Variants in LHCGR observed in about 807,000 individuals in gnomAD.
The protein encoded by LHCGR is lutropin-choriogonadotropic hormone receptor.
Under a neutral mutation model 60.7 loss-of-function variants are expected in LHCGR, and 55 were observed. That is an observed-to-expected ratio of 0.91 (90% CI 0.73 to 1.13). The LOEUF is 1.13. Ranked by LOEUF, LHCGR falls within the 50% of genes most tolerant of loss-of-function variation. The pLI is 0.00. For missense variants in LHCGR, 862 were observed against 836.0 expected (o/e 1.03, Z -0.38); for synonymous variants, 337 against 316.5 (o/e 1.06, Z -0.69).
At chr2:48,742,063 T>G (rs2103689943) in intron 1 of LHCGR, among the ~76,000 whole-genome samples, 1 of 152,030 alleles carries the variant, frequency 6.6e-6, no homozygotes, top group South Asian at 2.1e-4. Flanking sequence ...TAAAACAGAC[T>G]TTAAACCAAC....
chr2:48,729,247 G>T lies in LHCGR; in HGVS notation c.234-20C>A. On this transcript the variant is annotated intron_variant, in intron 2 of 10. Transcript: ENST00000294954. ...ATTTCACTAGGGAAGAGAGGAGGGG[G>T]AAAAAGAGAAAGAAACATGAAAGAA... The T allele has an allele frequency of 6.5e-7, 1 of 1,549,138 alleles. No homozygotes were observed. The highest frequency in any genetic ancestry group is 8.9e-7 in the Non-Finnish European group (1 of 1,125,724).
chr2:48,755,677 G>A lies in LHCGR; in HGVS notation c.-6C>T, dbSNP rs779799454. The A allele has an allele frequency of 3.4e-5, 52 of 1,534,888 alleles. 1 individual carries two copies. The South Asian group carries it at 5.2e-4, about 15-fold the overall frequency. On this transcript the variant is annotated 5_prime_UTR_variant, in exon 1 of 11. Coordinates refer to ENST00000294954, the MANE Select transcript of LHCGR (RefSeq NM_000233.4). ...GCCGAGAACCGCTGCTTCATGGCCGGCGAACTGGGCTTCTGCGGCTTGCCA... is the reference window on the plus strand; with the variant it reads ...GCCGAGAACCGCTGCTTCATGGCCGACGAACTGGGCTTCTGCGGCTTGCCA...
chr2:48,698,448 C>G (rs144729583), intron 9 of LHCGR, among the ~76,000 whole-genome samples, 167 bp downstream of exon 9: 108 of 152,326 alleles, frequency 7.1e-4, no homozygotes, highest in Non-Finnish European at 1.2e-3. Context: ...CACAAGGAAA[C>G]AGAACAGTTT....
chr2:48,703,685 G>A (rs562649482), intron 8 of LHCGR, among the ~76,000 whole-genome samples: 14 of 152,196 alleles, frequency 9.2e-5, no homozygotes, highest in African/African-American at 2.4e-4. Flanking sequence ...TTGGCTCTCC[G>A]TTAATTTCTT....
intron 7 of LHCGR, among the ~76,000 whole-genome samples, chr2:48,710,843 G>T (rs986255000): frequency 2.0e-5 from 3 of 152,154 alleles, no homozygotes; most frequent in Admixed American, 1.3e-4. Flanking sequence ...TATGAGGAAG[G>T]GTTGAATGTA....
chr2:48,727,082 C>G (rs1461013719), intron 3 of LHCGR, among the ~76,000 whole-genome samples: 3 of 152,070 alleles, frequency 2.0e-5, no homozygotes, highest in Non-Finnish European at 4.4e-5. Context: ...GTCAAACAAT[C>G]ATAGGCCATA....
At chr2:48,722,533 G>A (rs1283822430) in intron 6 of LHCGR, among the ~76,000 whole-genome samples, 1 of 152,096 alleles carries the variant, frequency 6.6e-6, no homozygotes, top group Non-Finnish European at 1.5e-5. Flanking sequence ...CCCTAGTGCT[G>A]TTCTTGTGAT....
At chr2:48,731,355 A>C in intron 1 of LHCGR, 57 bp from the exon 2 acceptor site, 1 of 1,235,004 alleles carries the variant, frequency 8.1e-7, no homozygotes, top group East Asian at 2.3e-5. Context: ...GTGCCTTTTA[A>C]GTTCATGAAT....
In LHCGR at chr2:48,688,008, G is replaced by A. The variant is rs1679987217; in HGVS notation, c.1789C>T (p.Pro597Ser). 3.1e-6 allele frequency: 5 copies of A among 1,614,142 alleles called. No homozygotes were observed. Among genetic ancestry groups the A allele is most frequent in the Non-Finnish European group, 3.4e-6 (4 of 1,180,004 alleles). ...TTAGAGTTGGTTACTGTGATAAGAG[G>A]TACTTTGAAGGCAGCTGAGATGGCA... ...FFAISAAFKVPLITVTNSKVL... is the reference protein window; with the variant it reads ...FFAISAAFKVSLITVTNSKVL... The change falls in exon 11 of 11, where the codon CCT (proline) becomes TCT (serine). Residue 597 changes from proline (P) to serine (S), a missense_variant. Pro to Ser is a moderately conservative substitution (Grantham distance 74). Transcript: ENST00000294954. The surrounding 1 kb of genome is among the most constrained non-coding windows in gnomAD (Gnocchi z 5.2).
At chr2:48,712,691 A>G (rs1389013229) in intron 7 of LHCGR, among the ~76,000 whole-genome samples, 1 of 150,444 alleles carries the variant, frequency 6.6e-6, no homozygotes, top group Non-Finnish European at 1.5e-5. Flanking sequence ...AATTAATTAT[A>G]TTATATATTA....
rs1333043008 is a variant in LHCGR at position 48,725,739 on chromosome 2, T to A, written c.320A>T (p.Asn107Ile). The A allele has an allele frequency of 1.2e-6, 2 of 1,611,794 alleles. No individual in the cohort carries two copies. Among genetic ancestry groups the A allele is most frequent in the Admixed American group, 3.3e-5 (2 of 59,992 alleles). Residue 107 changes from asparagine (N) to isoleucine (I), a missense_variant, in exon 4 of 11, where the codon AAC becomes ATC. Transcript: ENST00000294954. ...LLNLSEILIQ[N>I]TKNLRYIEPG... ...CTCAATGTATCTCAGATTTTTGGTG[T>A]TCTGGATCAGTCTGTAAAGAGAGAG...
At chr2:48,708,206 T>A (rs1389231231) in intron 8 of LHCGR, among the ~76,000 whole-genome samples, 5 of 152,170 alleles carry the variant, frequency 3.3e-5, no homozygotes. Context: ...TGAGAGAGCC[T>A]GGCCCTAATC....
intron 10 of LHCGR, 73 bp downstream of exon 10, chr2:48,694,151 T>C: frequency 1.1e-6 from 1 of 924,454 alleles, no homozygotes; most frequent in South Asian, 1.4e-5. Flanking sequence ...CAAAAGAAAA[T>C]AATTGATGCT....
chr2:48,704,632 C>T (rs970509825), intron 8 of LHCGR, among the ~76,000 whole-genome samples: 2 of 152,212 alleles, frequency 1.3e-5, no homozygotes, highest in East Asian at 1.9e-4. Flanking sequence ...GTGTATGTGT[C>T]CAGGAATTTA....
chr2:48,751,524 CTTAGA>C (rs1343704140), intron 1 of LHCGR, among the ~76,000 whole-genome samples: 1 of 152,164 alleles, frequency 6.6e-6, no homozygotes, highest in African/African-American at 2.4e-5. Flanking sequence ...CTGTGAATTC[CTTAGA>C]GCCTTGTTGT....
chr2:48,709,133 A>AG (rs981660864), intron 7 of LHCGR, 111 bp from the exon 8 acceptor site: 23 of 811,976 alleles, frequency 2.8e-5, no homozygotes, highest in Non-Finnish European at 3.0e-5. Context: ...TAGGGTTAAA[A>AG]GGGGGAAAAA....
Position 48,706,293 on chromosome 2 carries a change from G to C in LHCGR, c.680+2655C>G, listed in dbSNP as rs181896138. ...TAGTCTGGTGGGCTTCCCTCTGTGG[G>C]TAACCCAACCCTTCTCTCTGGCTGC... On this transcript the variant is annotated intron_variant, in intron 8 of 10. Transcript: ENST00000294954. Among the ~76,000 whole-genome samples, 9 of 152,312 alleles carry C rather than the reference G, an allele frequency of 5.9e-5. No homozygotes were observed. The East Asian group carries it at 1.7e-3, about 29-fold the overall frequency.
intron 10 of LHCGR, among the ~76,000 whole-genome samples, chr2:48,693,062 C>G (rs1477827324): frequency 6.6e-6 from 1 of 152,108 alleles, no homozygotes. Context: ...CTATTATTAA[C>G]TATATCCATA....
chr2:48,695,549 C>T (rs1667075369), intron 9 of LHCGR, among the ~76,000 whole-genome samples: 2 of 152,284 alleles, frequency 1.3e-5, no homozygotes, highest in South Asian at 2.1e-4. Flanking sequence ...AATCTCATTA[C>T]TCGGTATATA....
Sources: allele counts gnomAD v4.1 joint callset (sites outside exome capture counted in the v4.1 genomes callset), GRCh38; gene constraint gnomAD v4.1.1; non-coding constraint Gnocchi (gnomAD v3.1); transcripts MANE v1.5; gene names NCBI Gene and HGNC (gene_info 2026-07-23, HGNC 2026-07-21).